Variants in CAST observed in about 807,000 individuals in gnomAD.
CAST encodes the protein calpastatin.
In CAST, 76 loss-of-function variants were observed where a neutral mutation model predicts 119.6. The ratio of observed to expected loss-of-function variants is 0.64; its 90% CI spans 0.53 to 0.77. The LOEUF (loss-of-function observed/expected upper bound fraction) is 0.77, where lower values mean the gene tolerates loss of function less well. Among genes scored for constraint, CAST ranks in the 30% least tolerant of loss-of-function variants. The probability of loss-of-function intolerance (pLI) is 0.00; values close to 1 mark genes in which losing one functional copy is unlikely to be tolerated. For synonymous variants in CAST, 319 were observed against 331.6 expected, an observed-to-expected ratio of 0.96 and a Z score of 0.41; for missense variants, 953 against 946.5, an observed-to-expected ratio of 1.01 and a Z score of -0.09.
At chr5:96,517,237 A>T in the CAST span, among the ~76,000 whole-genome samples, 1 of 152,092 alleles carries the variant, frequency 6.6e-6, no homozygotes, top group East Asian at 1.9e-4. Context: ...TACTTATTTA[A>T]GCAATGAAAT....
intron 2 of CAST, among the ~76,000 whole-genome samples, chr5:96,694,934 C>T (rs923039408): frequency 1.6e-4 from 25 of 152,080 alleles, no homozygotes; most frequent in South Asian, 4.1e-4. Context: ...AACTTTTCTT[C>T]GTATAAAATA....
At chr5:96,673,205 A>G (rs1175885791) in intron 1 of CAST, among the ~76,000 whole-genome samples, 1 of 152,238 alleles carries the variant, frequency 6.6e-6, no homozygotes, top group Non-Finnish European at 1.5e-5. Context: ...ATGTGATATC[A>G]TGGTTCTAAA....
the CAST span, among the ~76,000 whole-genome samples, chr5:96,349,193 G>A: frequency 8.7e-6 from 1 of 114,894 alleles, no homozygotes; most frequent in African/African-American, 3.4e-5. Context: ...CTATCCAAGG[G>A]AATTCAATTA....
At chr5:95,991,497 G>T in the CAST span, among the ~76,000 whole-genome samples, 736 of 65,140 alleles carry the variant, frequency 0.011, 23 homozygotes, top group East Asian at 0.1. Context: ...AACAAGTTTT[G>T]TTTTTTTTTT....
the CAST span, among the ~76,000 whole-genome samples, chr5:96,162,362 G>A: frequency 5.3e-5 from 8 of 152,194 alleles, no homozygotes; most frequent in Admixed American, 3.9e-4. Flanking sequence ...CATTTATTGC[G>A]ATGATCATGT....
chr5:96,004,376 T>A, the CAST span, among the ~76,000 whole-genome samples: 1 of 152,230 alleles, frequency 6.6e-6, no homozygotes, highest in African/African-American at 2.4e-5. Flanking sequence ...GACTTGTTCC[T>A]AGGAAATGCA....
chr5:96,719,136 A>G (rs1373841575), intron 3 of CAST, among the ~76,000 whole-genome samples: 3 of 152,118 alleles, frequency 2.0e-5, no homozygotes, highest in Admixed American at 1.3e-4. Flanking sequence ...CCCGCATCCT[A>G]GGAGCCCCCT....
chr5:96,003,508 A>C, the CAST span, among the ~76,000 whole-genome samples: 2 of 149,930 alleles, frequency 1.3e-5, no homozygotes, highest in African/African-American at 4.9e-5. Flanking sequence ...ACTGCACTCC[A>C]GCCTGGGCGA....
At chr5:96,032,718 T>C in the CAST span, among the ~76,000 whole-genome samples, 1 of 152,158 alleles carries the variant, frequency 6.6e-6, no homozygotes, top group Non-Finnish European at 1.5e-5. Flanking sequence ...CAAATATTCA[T>C]ATCCTATATA....
At chr5:96,622,267 C>T (rs1051970616) in intron 1 of CAST, among the ~76,000 whole-genome samples, 2 of 152,086 alleles carry the variant, frequency 1.3e-5, no homozygotes, top group Non-Finnish European at 2.9e-5. Context: ...TGCACCTGGC[C>T]TGAGTTAGCA....
chr5:96,544,487 A>G (rs576896637), intron 1 of CAST, among the ~76,000 whole-genome samples: 1 of 152,270 alleles, frequency 6.6e-6, no homozygotes, highest in African/African-American at 2.4e-5. Flanking sequence ...TTTTATATAG[A>G]TGATCATGTT....
intron 6 of CAST, 97 bp downstream of exon 6, chr5:96,727,627 G>A (rs1463903760): frequency 2.9e-6 from 2 of 691,112 alleles, no homozygotes; most frequent in South Asian, 2.3e-5. Context: ...ATGGTAAAGG[G>A]GGTTGCTGGC....
chr5:96,702,879 C>G, intron 3 of CAST: 1 of 985,518 alleles, frequency 1.0e-6, no homozygotes. Context: ...CTCCTGAAAA[C>G]CAAGCCGAGG....
At chr5:96,108,687 G>A in the CAST span, among the ~76,000 whole-genome samples, 4 of 152,218 alleles carry the variant, frequency 2.6e-5, no homozygotes, top group African/African-American at 9.6e-5. Context: ...GTTTGTCTGT[G>A]CCCTGCCCCC....
At chr5:96,529,187 CA>C (rs1421683699), upstream of CAST, among the ~76,000 whole-genome samples, 1 of 152,118 alleles carries the variant, frequency 6.6e-6, no homozygotes, top group Non-Finnish European at 1.5e-5. Context: ...TCTTATCAAA[CA>C]AACCTTGTTA....
At chr5:96,374,237 G>C in the CAST span, among the ~76,000 whole-genome samples, 28 of 152,212 alleles carry the variant, frequency 1.8e-4, no homozygotes, top group Admixed American at 1.4e-3. Flanking sequence ...GATTCAAAAC[G>C]TCCTCCCTCT....
At chr5:96,102,574 T>G in the CAST span, among the ~76,000 whole-genome samples, 1 of 152,166 alleles carries the variant, frequency 6.6e-6, no homozygotes, top group African/African-American at 2.4e-5. Context: ...GAATTTTGGC[T>G]CGAAGGTGGA....
chr5:96,021,373 A>G, the CAST span, among the ~76,000 whole-genome samples: 8 of 152,198 alleles, frequency 5.3e-5, no homozygotes, highest in Non-Finnish European at 1.2e-4. Flanking sequence ...ACAAGAAACC[A>G]GCTTAGTGCC....
chr5:96,586,256 CT>C (rs1159721109), intron 1 of CAST, among the ~76,000 whole-genome samples: 3 of 152,118 alleles, frequency 2.0e-5, no homozygotes, highest in African/African-American at 7.2e-5. Flanking sequence ...TGAATGGCTC[CT>C]TTTTTTTCCC....
Sources: gnomAD v4.1 joint callset for allele counts (sites outside exome capture counted in the v4.1 genomes callset) on GRCh38, gnomAD v4.1.1 for gene constraint, MANE v1.5 for transcripts, NCBI Gene and HGNC (gene_info 2026-07-23, HGNC 2026-07-21) for gene names.